Variants in TRRAP observed in about 807,000 individuals in gnomAD.
TRRAP encodes transformation/transcription domain-associated protein.
In TRRAP, 41 loss-of-function variants were observed where a neutral mutation model predicts 438.8. The ratio of observed to expected loss-of-function variants is 0.09; its 90% CI spans 0.07 to 0.12. The LOEUF (loss-of-function observed/expected upper bound fraction) is 0.12, where lower values mean the gene tolerates loss of function less well. Ranked by LOEUF, TRRAP falls within the 10% of genes least tolerant of loss-of-function variation. The probability of loss-of-function intolerance (pLI) is 1.00; values close to 1 mark genes in which losing one functional copy is unlikely to be tolerated. For synonymous variants in TRRAP, 1,994 were observed against 1,962.9 expected, an observed-to-expected ratio of 1.02 and a Z score of -0.42; for missense variants, 3,122 against 5,055.1, an observed-to-expected ratio of 0.62 and a Z score of 11.60.
intron 60 of TRRAP, among the ~76,000 whole-genome samples, chr7:98,983,697 A>G (rs1793033871): frequency 6.6e-6 from 1 of 152,134 alleles, no homozygotes; most frequent in East Asian, 1.9e-4. Context: ...TAGTTGGGGC[A>G]GAATCGTACA....
chr7:98,890,458 A>C lies in TRRAP; in HGVS notation c.261+13A>C, dbSNP rs1554404654. ...GAAACCAGCACAGGTAATGTAAAAAAATAACATGAGAAGACAAGGGTGCTG... is the reference window on the plus strand; with the variant it reads ...GAAACCAGCACAGGTAATGTAAAAACATAACATGAGAAGACAAGGGTGCTG... On this transcript the variant is annotated intron_variant, in intron 4 of 72. Transcript: ENST00000456197. The C allele has an allele frequency of 6.4e-7, 1 of 1,551,134 alleles. No homozygotes were observed. Among genetic ancestry groups the C allele is most frequent in the Non-Finnish European group, 8.7e-7 (1 of 1,148,532 alleles).
At chr7:98,918,100 GA>G (rs1222083108) in intron 20 of TRRAP, among the ~76,000 whole-genome samples, 1 of 144,604 alleles carries the variant, frequency 6.9e-6, no homozygotes, top group African/African-American at 2.7e-5. Context: ...CAGCCTGGGT[GA>G]CAAAATCAGA....
chr7:98,881,132 A>C lies in TRRAP; in HGVS notation c.-19A>C, dbSNP rs1353867654. The C allele has an allele frequency of 6.3e-7, 1 of 1,597,406 alleles. No individual in the cohort carries two copies. The highest frequency in any genetic ancestry group is 1.3e-5 in the African/African-American group (1 of 74,202). On this transcript the variant is annotated 5_prime_UTR_variant, in exon 2 of 73. Transcript: ENST00000456197. ...ACCTGATACTTTTCTCTTGAGAAGC[A>C]AACCAGCCCAAAAGAAAAATGGCGT... is the stretch of plus-strand genomic sequence containing the variant.
chr7:98,976,555 G>A lies in TRRAP; in HGVS notation c.8032G>A (p.Ala2678Thr), dbSNP rs201477918. The A allele has an allele frequency of 4.1e-5, 66 of 1,613,918 alleles. No homozygotes were observed. The highest frequency in any genetic ancestry group is 5.0e-5 in the Non-Finnish European group (59 of 1,180,036). The change falls in exon 55 of 73, where the codon GCG becomes ACG. Residue 2678 changes from alanine (A) to threonine (T), a missense_variant. By Grantham distance (58) the Ala-to-Thr change is moderately conservative. Around this residue, in one of 24 missense-constraint regions of TRRAP, gnomAD observed 992 missense variants for 1,281.2 expected, o/e 0.77. Transcript: ENST00000456197. This position sits in a 1 kb window ranked among gnomAD's most constrained non-coding sequence, Gnocchi z 4.6. ...HQVQRDCQPS[A>T]LNCFVEAMSQ... ...GGTGCAGCGGGACTGCCAGCCCAGC[G>A]CGCTGAACTGCTTTGTGGAAGCCAT...
Position 98,967,610 on chromosome 7 carries a change from G to A in TRRAP, c.7424G>A (p.Arg2475His), listed in dbSNP as rs202055249. The A allele has an allele frequency of 1.0e-4, 161 of 1,613,964 alleles. No individual in the cohort carries two copies. Among genetic ancestry groups the A allele is most frequent in the Non-Finnish European group, 1.2e-4 (141 of 1,180,040 alleles). ...FFEVFDNSMK[R>H]RVYERLLYVT... ...GAGGTTTTTGACAACTCCATGAAACGTCGTGTCTACGAGCGCTTGCTCTAT... is the reference window on the plus strand; with the variant it reads ...GAGGTTTTTGACAACTCCATGAAACATCGTGTCTACGAGCGCTTGCTCTAT... The change falls in exon 51 of 73, where the codon CGT becomes CAT. Residue 2475 changes from arginine to histidine, a missense_variant. This residue lies in a region of TRRAP where 992 missense variants were observed against 1,281.2 expected (regional missense o/e 0.77). Transcript: ENST00000456197.
At chr7:98,974,625 C>T (rs1390774367) in intron 53 of TRRAP, among the ~76,000 whole-genome samples, 1 of 152,150 alleles carries the variant, frequency 6.6e-6, no homozygotes, top group Non-Finnish European at 1.5e-5. Context: ...ACATCATAAT[C>T]CCGGATGTTG....
intron 70 of TRRAP, 52 bp from the exon 71 acceptor site, chr7:99,011,000 C>T (rs1000711837): frequency 1.3e-5 from 20 of 1,551,934 alleles, no homozygotes; most frequent in African/African-American, 2.7e-5. Context: ...TTTTTCTTTT[C>T]CAAAAAAAAT....
intron 67 of TRRAP, among the ~76,000 whole-genome samples, chr7:99,002,357 TG>T (rs1218811710): frequency 6.6e-6 from 1 of 152,164 alleles, no homozygotes; most frequent in Non-Finnish European, 1.5e-5. Flanking sequence ...CACTTTTTGG[TG>T]TTGGCATCGC....
At chr7:98,993,224 T>A (rs1355750899) in intron 65 of TRRAP, among the ~76,000 whole-genome samples, 1 of 152,248 alleles carries the variant, frequency 6.6e-6, no homozygotes, top group Non-Finnish European at 1.5e-5. Context: ...AGGGAACTCT[T>A]GTGCGCCCTC....
chr7:98,928,335 A>G (rs1427112284), intron 23 of TRRAP, among the ~76,000 whole-genome samples: 2 of 152,200 alleles, frequency 1.3e-5, no homozygotes, highest in African/African-American at 4.8e-5. Flanking sequence ...CTCCCAGACC[A>G]GTCACAGTTC....
At chr7:99,001,090 A>G (rs1793899578) in intron 67 of TRRAP, among the ~76,000 whole-genome samples, 1 of 152,262 alleles carries the variant, frequency 6.6e-6, no homozygotes, top group South Asian at 2.1e-4. Flanking sequence ...GAAAATCTTC[A>G]TCTCCTTAAT....
Position 99,005,162 on chromosome 7 carries a change from C to G in TRRAP, c.10567C>G (p.His3523Asp). 2 of 1,613,932 alleles carry G rather than the reference C, an allele frequency of 1.2e-6. No individual in the cohort carries two copies. The highest frequency in any genetic ancestry group is 1.7e-6 in the Non-Finnish European group (2 of 1,180,026). ...FMPRVEIVQK[H>D]NTAARRLYIR... ...GCCCCGGGTAGAGATTGTGCAGAAG[C>G]ACAACACCGCAGCCCGGCGGCTGTA... The change falls in exon 69 of 73, where the codon CAC becomes GAC. Residue 3523 changes from histidine to aspartate, a missense_variant. His to Asp is a moderately conservative substitution (Grantham distance 81). This residue lies in a region of TRRAP where 95 missense variants were observed against 144.1 expected (regional missense o/e 0.66). Coordinates refer to ENST00000456197, the MANE Select transcript of TRRAP (RefSeq NM_001375524.1). This position sits in a 1 kb window ranked among gnomAD's most constrained non-coding sequence, Gnocchi z 5.1.
In TRRAP at chr7:98,977,046, T is replaced by G; in HGVS notation, c.8355T>G (p.Ile2785Met). The change falls in exon 56 of 73, where the codon ATT (isoleucine) becomes ATG (methionine). Residue 2785 changes from isoleucine to methionine, a missense_variant. Physicochemically the swap from Ile to Met is conservative, Grantham distance 10. Around this residue, in one of 24 missense-constraint regions of TRRAP, gnomAD observed 992 missense variants for 1,281.2 expected, o/e 0.77. Coordinates refer to ENST00000456197, the MANE Select transcript of TRRAP (RefSeq NM_001375524.1). ...AGTACTCGGAGACAGCGACTGCGAT[T>G]GCTTACGAGCAGCACGGGTTCTTTG... ...RCKYSETATA[I>M]AYEQHGFFEQ... 1 of 1,614,244 alleles carries G rather than the reference T, an allele frequency of 6.2e-7. No homozygotes were observed. The highest frequency in any genetic ancestry group is 1.6e-4 in the Middle Eastern group (1 of 6,062).
chr7:98,952,372 A>C (rs1791382251), intron 39 of TRRAP, among the ~76,000 whole-genome samples: 1 of 152,214 alleles, frequency 6.6e-6, no homozygotes, highest in Non-Finnish European at 1.5e-5. Flanking sequence ...GGAGTAGACA[A>C]AAGTTGACCA....
intron 50 of TRRAP, 31 bp from the exon 51 acceptor site, chr7:98,967,454 C>G: frequency 6.2e-7 from 1 of 1,609,666 alleles, no homozygotes; most frequent in Non-Finnish European, 8.5e-7. Context: ...GGGAGTCCAT[C>G]GTCTTGCCTG....
intron 19 of TRRAP, among the ~76,000 whole-genome samples, chr7:98,917,062 A>G (rs146449399): frequency 9.3e-4 from 142 of 152,300 alleles, no homozygotes; most frequent in Non-Finnish European, 1.5e-3. Flanking sequence ...CTCGCCATTT[A>G]TAATACAAAA....
intron 67 of TRRAP, among the ~76,000 whole-genome samples, chr7:98,996,821 G>A (rs547394972): frequency 6.6e-6 from 1 of 152,252 alleles, no homozygotes; most frequent in East Asian, 1.9e-4. Context: ...GTTTAAAAAT[G>A]TGATTAGTTG....
intron 3 of TRRAP, among the ~76,000 whole-genome samples, chr7:98,882,363 CTT>C (rs531239628): frequency 1.2e-4 from 16 of 138,130 alleles, no homozygotes; most frequent in Admixed American, 1.5e-4. Context: ...TCTTTTCTTT[CTT>C]TTTTTTTTTT....
At chr7:98,944,939 G>T (rs1228530535) in intron 31 of TRRAP, among the ~76,000 whole-genome samples, 1 of 152,106 alleles carries the variant, frequency 6.6e-6, no homozygotes, top group Non-Finnish European at 1.5e-5. Flanking sequence ...CAAGTAGCTG[G>T]GATTACAGGC....
Sources: allele counts gnomAD v4.1 joint callset (sites outside exome capture counted in the v4.1 genomes callset), GRCh38; gene constraint gnomAD v4.1.1; regional missense constraint gnomAD v4.1.1; non-coding constraint Gnocchi (gnomAD v3.1); transcripts MANE v1.5; gene names NCBI Gene and HGNC (gene_info 2026-07-23, HGNC 2026-07-21).